Variants in THSD7B observed in about 807,000 individuals in gnomAD.
The protein encoded by THSD7B is thrombospondin type-1 domain-containing protein 7B.
Under a neutral mutation model 213.6 loss-of-function variants are expected in THSD7B, and 138 were observed. The ratio of observed to expected loss-of-function variants is 0.65; its 90% CI spans 0.56 to 0.74. The LOEUF is 0.74. Among genes scored for constraint, THSD7B ranks in the 30% least tolerant of loss-of-function variants. The pLI is 0.00. For synonymous variants in THSD7B, 742 were observed against 687.0 expected (o/e 1.08, Z -1.25); for missense variants, 1,931 against 1,991.5 (o/e 0.97, Z 0.58).
intron 5 of THSD7B, among the ~76,000 whole-genome samples, chr2:137,133,146 A>G (rs553490560): frequency 7.9e-5 from 12 of 152,204 alleles, no homozygotes; most frequent in Non-Finnish European, 1.6e-4. Context: ...CTGAATACCT[A>G]GGAAATCCAC....
intron 4 of THSD7B, 83 bp downstream of exon 4, chr2:137,095,204 T>C: frequency 3.9e-6 from 6 of 1,534,984 alleles, no homozygotes; most frequent in Non-Finnish European, 5.3e-6. Context: ...AAAGTAGCTG[T>C]GACTCATATT....
At chr2:136,972,084 C>T (rs961431227) in intron 2 of THSD7B, among the ~76,000 whole-genome samples, 2 of 151,310 alleles carry the variant, frequency 1.3e-5, no homozygotes, top group African/African-American at 4.9e-5. Context: ...GTCTCTATGA[C>T]AAGGTTTGGT....
intron 1 of THSD7B, among the ~76,000 whole-genome samples, chr2:136,767,659 C>T (rs888916658): frequency 6.6e-6 from 1 of 152,130 alleles, no homozygotes. Flanking sequence ...TTAAAAACAT[C>T]GGATAGTCTC....
intron 17 of THSD7B, among the ~76,000 whole-genome samples, chr2:137,596,599 G>C (rs772896284): frequency 6.6e-6 from 1 of 151,930 alleles, no homozygotes; most frequent in African/African-American, 2.4e-5. Flanking sequence ...CATGCAAATT[G>C]AGTTAATGTG....
chr2:137,161,166 A>T (rs905888803), intron 6 of THSD7B, among the ~76,000 whole-genome samples: 1 of 152,112 alleles, frequency 6.6e-6, no homozygotes, highest in African/African-American at 2.4e-5. Context: ...GTAGGCCTCT[A>T]TGGTCTAGTT....
chr2:137,124,559 C>T (rs114307854), intron 5 of THSD7B, among the ~76,000 whole-genome samples: 3,456 of 152,108 alleles, frequency 0.023, 144 homozygotes, highest in African/African-American at 0.078. Context: ...CTCAAGCACA[C>T]AGGGGAAAGG....
At chr2:137,630,297 A>G (rs554162764) in intron 20 of THSD7B, among the ~76,000 whole-genome samples, 7 of 152,158 alleles carry the variant, frequency 4.6e-5, no homozygotes, top group Non-Finnish European at 7.4e-5. Flanking sequence ...CCCAGCCCCA[A>G]TCTCAAACTT....
At chr2:137,630,985 C>T (rs1573754284) in intron 20 of THSD7B, among the ~76,000 whole-genome samples, 1 of 152,158 alleles carries the variant, frequency 6.6e-6, no homozygotes, top group East Asian at 1.9e-4. Context: ...GATGCTTCCC[C>T]ATGAGCCACA....
chr2:137,222,376 A>T (rs976869451), intron 7 of THSD7B, among the ~76,000 whole-genome samples: 4 of 152,136 alleles, frequency 2.6e-5, no homozygotes, highest in African/African-American at 9.7e-5. Flanking sequence ...TGCACTGTTT[A>T]TTTGCTCCAA....
chr2:137,500,000 A>G (rs1679663576), intron 15 of THSD7B, among the ~76,000 whole-genome samples: 1 of 152,218 alleles, frequency 6.6e-6, no homozygotes, highest in Non-Finnish European at 1.5e-5. Context: ...ATACGATGAT[A>G]AAGGACTATA....
chr2:137,359,526 G>A (rs183870236), intron 12 of THSD7B, among the ~76,000 whole-genome samples: 34 of 152,264 alleles, frequency 2.2e-4, no homozygotes, highest in Admixed American at 1.2e-3. Flanking sequence ...GGGTGGTTTC[G>A]GGGTAGGTAA....
In THSD7B at chr2:137,663,525, C is replaced by A. The variant is rs1321878747; in HGVS notation, c.4601C>A (p.Ser1534Ter). Residue 1534 changes from serine to a stop codon, truncating the protein, a stop_gained, in exon 26 of 28, where the codon TCA becomes TAA. Coordinates refer to ENST00000409968, the MANE Select transcript of THSD7B (RefSeq NM_001316349.2). LOFTEE classifies it high-confidence loss of function. ...TCTGGGAAAAACAGACCTGTGAATT[C>A]AAAAATACATGATATTTTTAAAGGA... ...NLSGKNRPVNSKIHDIFKGWS... is the reference protein window; with the variant it reads ...NLSGKNRPVN 1 of 1,608,732 alleles carries A rather than the reference C, an allele frequency of 6.2e-7. No homozygotes were observed. Among genetic ancestry groups the A allele is most frequent in the Admixed American group, 1.7e-5 (1 of 59,450 alleles).
chr2:137,563,187 C>T (rs1681158056), intron 15 of THSD7B, 34 bp from the exon 16 acceptor site: 1 of 1,604,798 alleles, frequency 6.2e-7, no homozygotes, highest in Non-Finnish European at 8.5e-7. Context: ...TTGGATAGTT[C>T]CACATAATTT....
chr2:137,162,826 C>T (rs556070836), intron 6 of THSD7B, among the ~76,000 whole-genome samples: 1 of 151,918 alleles, frequency 6.6e-6, no homozygotes, highest in South Asian at 2.1e-4. Flanking sequence ...ATGGCGTGAT[C>T]TTGGCTCACC....
intron 27 of THSD7B, among the ~76,000 whole-genome samples, chr2:137,676,046 G>A (rs372242116): frequency 1.3e-5 from 2 of 152,286 alleles, no homozygotes; most frequent in East Asian, 1.9e-4. Context: ...GGCTTTGCAC[G>A]GAGTAGAATT....
intron 2 of THSD7B, among the ~76,000 whole-genome samples, chr2:136,929,213 A>C (rs1684590733): frequency 6.6e-6 from 1 of 152,212 alleles, no homozygotes; most frequent in Admixed American, 6.5e-5. Context: ...ATACTCTGCC[A>C]AAAATAGTGC....
At chr2:137,552,977 G>T (rs576927049) in intron 15 of THSD7B, among the ~76,000 whole-genome samples, 22 of 152,268 alleles carry the variant, frequency 1.4e-4, no homozygotes, top group African/African-American at 5.3e-4. Flanking sequence ...TCCTAGGCCT[G>T]ATGAGAGGCA....
chr2:137,598,018 C>T (rs1681996016), intron 17 of THSD7B, among the ~76,000 whole-genome samples: 1 of 152,092 alleles, frequency 6.6e-6, no homozygotes, highest in African/African-American at 2.4e-5. Flanking sequence ...CTTCCTATCT[C>T]CTACTTCTCT....
intron 12 of THSD7B, among the ~76,000 whole-genome samples, chr2:137,345,581 A>G (rs1390996677): frequency 6.6e-6 from 1 of 151,722 alleles, no homozygotes; most frequent in Non-Finnish European, 1.5e-5. Flanking sequence ...CACATGCTCA[A>G]TCAAACTAAG....
Sources: gnomAD v4.1 joint callset for allele counts (sites outside exome capture counted in the v4.1 genomes callset) on GRCh38, gnomAD v4.1.1 for gene constraint, MANE v1.5 for transcripts, NCBI Gene and HGNC (gene_info 2026-07-23, HGNC 2026-07-21) for gene names.